UBE2D2: variants seen among roughly 807,000 people sequenced by gnomAD.
UBE2D2 encodes the protein ubiquitin conjugating enzyme E2 D2.
A neutral mutation model predicts 24.2 loss-of-function variants in UBE2D2; 2 were observed. The ratio of observed to expected loss-of-function variants is 0.08; its 90% CI spans 0.03 to 0.26. UBE2D2 has a LOEUF of 0.26. UBE2D2 is among the 10% of genes least tolerant of loss of function. The pLI is 1.00. For synonymous variants in UBE2D2, 58 were observed against 56.5 expected, an observed-to-expected ratio of 1.03 and a Z score of -0.12; for missense variants, 44 against 177.6, an observed-to-expected ratio of 0.25 and a Z score of 4.28.
chr5:139,567,101 C>CT (rs1554077270), intron 1 of UBE2D2, among the ~76,000 whole-genome samples: 1 of 151,970 alleles, frequency 6.6e-6, no homozygotes, highest in African/African-American at 2.4e-5. Context: ...ATTAAGTTTT[C>CT]TTGTTTGTTT....
rs757813580 is a variant in UBE2D2 at position 139,553,770 on chromosome 5, GTTAT to G, written c.-64+27174_-64+27177del. Among the ~76,000 whole-genome samples, 20 of 151,988 alleles carry G rather than the reference GTTAT, an allele frequency of 1.3e-4. 1 individual carries two copies. Among genetic ancestry groups the G allele is most frequent in the East Asian group, 5.8e-4 (3 of 5,178 alleles). On this transcript the variant is annotated intron_variant, in intron 1 of 6. Coordinates refer to the UBE2D2 transcript ENST00000511725. ...AAATCTTTAATGTTTGGTTCCATGAGTTATTTATTTATTTATTTAAATTTTTTGA... is the reference window on the plus strand; with the variant it reads ...AAATCTTTAATGTTTGGTTCCATGAGTTATTTATTTATTTAAATTTTTTGA...
intron 1 of UBE2D2, among the ~76,000 whole-genome samples, chr5:139,535,958 T>A (rs956026015): frequency 6.6e-5 from 10 of 151,776 alleles, no homozygotes; most frequent in African/African-American, 2.4e-4. Context: ...AGTGGCGTGA[T>A]CTCGGCTCAC....
intron 1 of UBE2D2, among the ~76,000 whole-genome samples, chr5:139,571,493 A>G (rs1753351116): frequency 1.3e-5 from 2 of 152,038 alleles, no homozygotes; most frequent in African/African-American, 4.8e-5. Flanking sequence ...TCTTTTCAAT[A>G]ATCTTTCAAT....
At chr5:139,575,467 G>T (rs925736267) in intron 1 of UBE2D2, among the ~76,000 whole-genome samples, 3 of 152,120 alleles carry the variant, frequency 2.0e-5, no homozygotes, top group Non-Finnish European at 4.4e-5. Context: ...TGAAAAGAAT[G>T]AAGTCTTATA....
chr5:139,567,388 G>A (rs906531677), intron 1 of UBE2D2, among the ~76,000 whole-genome samples: 3 of 151,754 alleles, frequency 2.0e-5, no homozygotes, highest in Non-Finnish European at 4.4e-5. Context: ...ATGAGACACC[G>A]TGCCCGGCCT....
chr5:139,595,892 G>GTTTTTTTTT (rs70988709), intron 1 of UBE2D2, among the ~76,000 whole-genome samples: 6 of 98,872 alleles, frequency 6.1e-5, no homozygotes, highest in Non-Finnish European at 7.8e-5. Context: ...GTTTTTTGTT[G>GTTTTTTTTT]TTTTTTTTTT....
intron 6 of UBE2D2, 193 bp downstream of exon 6, chr5:139,623,654 T>C: frequency 2.3e-6 from 1 of 442,166 alleles, no homozygotes. Context: ...TATCCCTGAT[T>C]GTTTCACGTG....
chr5:139,625,901 G>A (rs918626693), intron 6 of UBE2D2, among the ~76,000 whole-genome samples: 9 of 148,108 alleles, frequency 6.1e-5, no homozygotes, highest in African/African-American at 2.2e-4. Context: ...CACCACACCC[G>A]GCCTAGCACC....
At chr5:139,564,125 A>AT (rs904912983) in intron 1 of UBE2D2, among the ~76,000 whole-genome samples, 3 of 152,108 alleles carry the variant, frequency 2.0e-5, no homozygotes, top group Admixed American at 6.6e-5. Flanking sequence ...CCTTTGTAAG[A>AT]TTTTTTTAAT....
intron 1 of UBE2D2, among the ~76,000 whole-genome samples, chr5:139,568,777 C>T (rs1176153952): frequency 6.6e-6 from 1 of 152,108 alleles, no homozygotes; most frequent in Non-Finnish European, 1.5e-5. Context: ...TCAATACCAG[C>T]CTAGTCAAGA....
chr5:139,610,599 A>C (rs1009825322), intron 2 of UBE2D2, among the ~76,000 whole-genome samples: 3 of 151,736 alleles, frequency 2.0e-5, no homozygotes, highest in Admixed American at 6.6e-5. Flanking sequence ...GGGTCTGGGC[A>C]CAGTGGCTTA....
intron 6 of UBE2D2, among the ~76,000 whole-genome samples, chr5:139,626,317 G>A (rs1046638021): frequency 1.6e-4 from 25 of 152,124 alleles, no homozygotes; most frequent in Admixed American, 2.0e-4. Flanking sequence ...TGATCCACCC[G>A]ACTCAGCCTC....
intron 1 of UBE2D2, among the ~76,000 whole-genome samples, chr5:139,575,489 C>T (rs1221469226): frequency 6.6e-6 from 1 of 152,078 alleles, no homozygotes; most frequent in African/African-American, 2.4e-5. Flanking sequence ...TATTTCTAAA[C>T]TAAAAAAGGG....
intron 1 of UBE2D2, among the ~76,000 whole-genome samples, chr5:139,548,926 G>A (rs1752870541): frequency 6.6e-6 from 1 of 151,192 alleles, no homozygotes; most frequent in Non-Finnish European, 1.5e-5. Flanking sequence ...TCAGCTCACT[G>A]CAACCTCCGT....
chr5:139,552,578 G>A (rs1374357411), intron 1 of UBE2D2, among the ~76,000 whole-genome samples: 11 of 146,492 alleles, frequency 7.5e-5, no homozygotes, highest in Non-Finnish European at 1.2e-4. Context: ...GCGAGATCTC[G>A]GCTCACGGCA....
intron 1 of UBE2D2, among the ~76,000 whole-genome samples, chr5:139,592,089 C>G (rs1159348164): frequency 1.3e-5 from 2 of 152,088 alleles, no homozygotes; most frequent in Non-Finnish European, 2.9e-5. Flanking sequence ...GTAATCCCAG[C>G]TACTCGGGAG....
intron 1 of UBE2D2, 161 bp downstream of exon 1, chr5:139,561,976 T>G: frequency 9.5e-7 from 1 of 1,050,750 alleles, no homozygotes; most frequent in Non-Finnish European, 1.3e-6. Flanking sequence ...ATGGCGCCCG[T>G]GGAGGCCCCG....
intron 2 of UBE2D2, among the ~76,000 whole-genome samples, chr5:139,602,920 A>G (rs1754115316): frequency 6.6e-6 from 1 of 152,242 alleles, no homozygotes; most frequent in Admixed American, 6.5e-5. Context: ...TACTTAAACT[A>G]TACAAAATAA....
intron 5 of UBE2D2, among the ~76,000 whole-genome samples, chr5:139,623,102 C>T (rs946180595): frequency 6.6e-6 from 1 of 151,290 alleles, no homozygotes; most frequent in African/African-American, 2.4e-5. Flanking sequence ...CTTTGGGAGG[C>T]CGAGGTGGGT....
Sources: gnomAD v4.1 joint callset for allele counts (sites outside exome capture counted in the v4.1 genomes callset) on GRCh38, gnomAD v4.1.1 for gene constraint, MANE v1.5 for transcripts, NCBI Gene and HGNC (gene_info 2026-07-23, HGNC 2026-07-21) for gene names.